Variants in KLF12 observed in about 807,000 individuals in gnomAD.
KLF12 encodes KLF transcription factor 12.
KLF12 carries 9 observed loss-of-function variants against 37.8 expected under a neutral mutation model. The ratio of observed to expected loss-of-function variants is 0.24; its 90% confidence interval spans 0.14 to 0.42. The LOEUF (loss-of-function observed/expected upper bound fraction) is 0.42. KLF12 is among the 10% of genes least tolerant of loss of function. KLF12 has a pLI of 1.00. For synonymous variants in KLF12, 208 were observed against 202.1 expected (o/e 1.03, Z -0.25); for missense variants, 411 against 516.0 (o/e 0.80, Z 1.97).
the KLF12 span, among the ~76,000 whole-genome samples, chr13:74,295,996 A>G: frequency 2.7e-5 from 4 of 150,310 alleles, no homozygotes; most frequent in East Asian, 3.9e-4. Context: ...TTTTTTTTAT[A>G]TTTTTTAGCA....
At chr13:74,187,407 G>A in the KLF12 span, among the ~76,000 whole-genome samples, 24 of 152,148 alleles carry the variant, frequency 1.6e-4, no homozygotes, top group Admixed American at 1.3e-4. Context: ...GTGTGGCCAC[G>A]GGCAAGTGTC....
the KLF12 span, among the ~76,000 whole-genome samples, chr13:74,164,242 C>CT: frequency 2.0e-5 from 3 of 152,046 alleles, no homozygotes; most frequent in Non-Finnish European, 2.9e-5. Context: ...ATATTTATGG[C>CT]TTTTTTTGCT....
At chr13:73,810,244 C>CA (rs1289064193) in intron 5 of KLF12, among the ~76,000 whole-genome samples, 42 of 141,324 alleles carry the variant, frequency 3.0e-4, no homozygotes, top group African/African-American at 5.7e-4. Context: ...GACGCCATCT[C>CA]AAAAAAAAAA....
At chr13:73,738,543 G>C (rs932703190) in intron 6 of KLF12, among the ~76,000 whole-genome samples, 2 of 151,890 alleles carry the variant, frequency 1.3e-5, no homozygotes, top group East Asian at 1.9e-4. Flanking sequence ...CTGATCTTTC[G>C]AATCTCAAAT....
At chr13:74,005,871 G>A (rs1238073862) in intron 1 of KLF12, among the ~76,000 whole-genome samples, 1 of 152,120 alleles carries the variant, frequency 6.6e-6, no homozygotes, top group Non-Finnish European at 1.5e-5. Context: ...ATTACAACAT[G>A]CTTCAGTCTT....
intron 3 of KLF12, among the ~76,000 whole-genome samples, chr13:73,907,127 G>A (rs188162427): frequency 6.6e-6 from 1 of 152,222 alleles, no homozygotes; most frequent in East Asian, 1.9e-4. Flanking sequence ...GTTGTGAAAA[G>A]ATACATCATT....
intron 1 of KLF12, among the ~76,000 whole-genome samples, chr13:74,016,216 T>C (rs114139917): frequency 0.031 from 4,724 of 152,196 alleles, 206 homozygotes; most frequent in African/African-American, 0.1. Context: ...AATGGCCATT[T>C]ACATGCGAAA....
At chr13:73,769,313 T>C (rs1566355349) in intron 5 of KLF12, among the ~76,000 whole-genome samples, 1 of 152,116 alleles carries the variant, frequency 6.6e-6, no homozygotes, top group Non-Finnish European at 1.5e-5. Flanking sequence ...CCATCAATAG[T>C]CTCCATGTTT....
the KLF12 span, among the ~76,000 whole-genome samples, chr13:74,148,285 A>G: frequency 3.9e-5 from 6 of 152,106 alleles, no homozygotes; most frequent in East Asian, 7.7e-4. Flanking sequence ...ACAACATGCT[A>G]TAATTTATCC....
chr13:73,792,346 A>C (rs1433040026), intron 5 of KLF12, among the ~76,000 whole-genome samples: 1 of 152,250 alleles, frequency 6.6e-6, no homozygotes, highest in African/African-American at 2.4e-5. Context: ...TATGAAGCCA[A>C]CATAAAAAAA....
chr13:74,037,511 G>A (rs1050298339), intron 1 of KLF12, among the ~76,000 whole-genome samples: 1 of 152,162 alleles, frequency 6.6e-6, no homozygotes. Context: ...CATTGCGTAT[G>A]AGCCTGCAAA....
At chr13:73,979,520 G>C (rs747602652) in intron 2 of KLF12, among the ~76,000 whole-genome samples, 1 of 151,508 alleles carries the variant, frequency 6.6e-6, no homozygotes, top group Non-Finnish European at 1.5e-5. Flanking sequence ...TTAAGAAAAA[G>C]ACAAAGCTAA....
At chr13:73,765,266 T>C (rs1879835984) in intron 5 of KLF12, among the ~76,000 whole-genome samples, 1 of 152,126 alleles carries the variant, frequency 6.6e-6, no homozygotes, top group Admixed American at 6.5e-5. Context: ...GATGCATTCA[T>C]TCAGTCCAAC....
chr13:73,943,788 C>T (rs1245112798), intron 3 of KLF12, among the ~76,000 whole-genome samples, 193 bp downstream of exon 3: 3 of 152,168 alleles, frequency 2.0e-5, no homozygotes, highest in Non-Finnish European at 4.4e-5. Context: ...ACTATCCCTT[C>T]CAAGGAAATA....
At chr13:73,802,082 G>A (rs1002935472) in intron 5 of KLF12, 15 of 152,018 alleles carry the variant, frequency 9.9e-5, no homozygotes, top group Admixed American at 7.9e-4. Context: ...GAAGACATTC[G>A]ATTTAGTTGG....
At chr13:73,845,327 T>C (rs1884955033) in intron 4 of KLF12, among the ~76,000 whole-genome samples, 1 of 152,208 alleles carries the variant, frequency 6.6e-6, no homozygotes, top group Admixed American at 6.5e-5. Context: ...ACTTAATTTA[T>C]AGGTTACTCA....
At chr13:74,167,391 G>T in the KLF12 span, among the ~76,000 whole-genome samples, 1 of 152,318 alleles carries the variant, frequency 6.6e-6, no homozygotes, top group Non-Finnish European at 1.5e-5. Context: ...AGTGGAAATA[G>T]CTCCTTTTCC....
chr13:74,037,035 C>A (rs1437710094), intron 1 of KLF12, among the ~76,000 whole-genome samples: 2 of 151,894 alleles, frequency 1.3e-5, no homozygotes, highest in African/African-American at 2.4e-5. Flanking sequence ...GAAACCCCGT[C>A]TCTACTGAAA....
At chr13:73,824,728 GA>G (rs1343655384) in intron 4 of KLF12, among the ~76,000 whole-genome samples, 2 of 152,068 alleles carry the variant, frequency 1.3e-5, no homozygotes, top group African/African-American at 4.8e-5. Flanking sequence ...GCTTTTATAA[GA>G]AAGAACAATT....
Sources: gnomAD v4.1 joint callset for allele counts (sites outside exome capture counted in the v4.1 genomes callset) on GRCh38, gnomAD v4.1.1 for gene constraint, MANE v1.5 for transcripts, NCBI Gene and HGNC (gene_info 2026-07-23, HGNC 2026-07-21) for gene names.